Variants in ACSS3 observed in about 807,000 individuals in gnomAD.
The protein encoded by ACSS3 is acyl-CoA synthetase short chain family member 3.
ACSS3 carries 64 observed loss-of-function variants against 84.2 expected under a neutral mutation model. The ratio of observed to expected loss-of-function variants is 0.76; its 90% confidence interval spans 0.62 to 0.94. The LOEUF is 0.94. ACSS3 is among the 40% of genes least tolerant of loss of function. The pLI is 0.00. For synonymous variants in ACSS3, 317 were observed against 310.1 expected, an observed-to-expected ratio of 1.02 and a Z score of -0.23; for missense variants, 815 against 867.6, an observed-to-expected ratio of 0.94 and a Z score of 0.76.
chr12:81,187,276 A>G (rs2031321718), intron 8 of ACSS3, among the ~76,000 whole-genome samples: 1 of 151,850 alleles, frequency 6.6e-6, no homozygotes, highest in Non-Finnish European at 1.5e-5. Context: ...GGTATGTAGG[A>G]TGAACAAGTC....
At chr12:81,198,082 CT>C (rs1344188382) in intron 8 of ACSS3, among the ~76,000 whole-genome samples, 9 of 152,258 alleles carry the variant, frequency 5.9e-5, no homozygotes, top group South Asian at 4.1e-4. Context: ...GGGCACTGTT[CT>C]TTTTTTCTCA....
chr12:81,196,834 G>A lies in ACSS3; in HGVS notation c.1251-2507G>A, dbSNP rs528913814. Reference sequence around the variant, plus strand: ...ACCAGCTGTCATGCGAATAAGTAGAGTAAGTGAGGACTTATTACCATGGGG... The same window carrying A: ...ACCAGCTGTCATGCGAATAAGTAGAATAAGTGAGGACTTATTACCATGGGG... On this transcript the variant is annotated intron_variant, in intron 8 of 15. Coordinates refer to ENST00000548058, the MANE Select transcript of ACSS3 (RefSeq NM_024560.4). Among the ~76,000 whole-genome samples, 17 of 152,184 alleles carry A rather than the reference G, an allele frequency of 1.1e-4. No individual in the cohort carries two copies. In the South Asian group the frequency reaches 3.5e-3, roughly 32 times the overall value.
intron 7 of ACSS3, among the ~76,000 whole-genome samples, chr12:81,156,629 C>A (rs1346814157): frequency 5.3e-5 from 8 of 152,054 alleles, no homozygotes; most frequent in Non-Finnish European, 2.9e-5. Context: ...AAAGACGCTG[C>A]AGACATCAAA....
intron 5 of ACSS3, among the ~76,000 whole-genome samples, chr12:81,145,086 T>G (rs916807252): frequency 6.2e-5 from 9 of 145,452 alleles, no homozygotes; most frequent in Admixed American, 4.1e-4. Context: ...TTTTTTTTTT[T>G]TTTGTATTTT....
chr12:81,155,009 C>T (rs915066640), intron 7 of ACSS3, among the ~76,000 whole-genome samples: 6 of 152,080 alleles, frequency 3.9e-5, no homozygotes. Flanking sequence ...TTTGTGGTCC[C>T]GTTGCTTTCG....
Position 81,137,270 on chromosome 12 carries a change from C to A in ACSS3, c.646-1861C>A, listed in dbSNP as rs978502749. ...TATAGGGAAATTACAATATGTAAAA[C>A]AATAAGGATTTAAAAAACTTATGGT... On this transcript the variant is annotated intron_variant, in intron 3 of 15. Transcript: ENST00000548058. Among the ~76,000 whole-genome samples the A allele has an allele frequency of 2.0e-5, 3 of 147,284 alleles. No individual in the cohort carries two copies. The Admixed American group carries it at 2.0e-4, about 10-fold the overall frequency.
At chr12:81,182,819 A>G (rs2031024586) in intron 8 of ACSS3, among the ~76,000 whole-genome samples, 1 of 151,968 alleles carries the variant, frequency 6.6e-6, no homozygotes, top group Non-Finnish European at 1.5e-5. Flanking sequence ...CGTACTGTGA[A>G]CCTCCATTCT....
intron 11 of ACSS3, among the ~76,000 whole-genome samples, chr12:81,228,838 T>C (rs1393926430): frequency 6.6e-6 from 1 of 151,828 alleles, no homozygotes; most frequent in African/African-American, 2.4e-5. Flanking sequence ...GCAGATAGTG[T>C]GTGGATGCTG....
intron 13 of ACSS3, among the ~76,000 whole-genome samples, chr12:81,242,307 G>C (rs2033833129): frequency 6.6e-6 from 1 of 152,084 alleles, no homozygotes; most frequent in African/African-American, 2.4e-5. Context: ...GACCAAACCA[G>C]GAAGAAGTTG....
chr12:81,139,612 AT>A (rs1885978711), intron 4 of ACSS3, among the ~76,000 whole-genome samples: 2 of 124,648 alleles, frequency 1.6e-5, no homozygotes, highest in Non-Finnish European at 3.4e-5. Context: ...ATGAATATAT[AT>A]ATATAAAATA....
At chr12:81,126,441 G>A (rs1416655074) in intron 2 of ACSS3, among the ~76,000 whole-genome samples, 1 of 152,096 alleles carries the variant, frequency 6.6e-6, no homozygotes, top group African/African-American at 2.4e-5. Flanking sequence ...TTTAGACCTT[G>A]GACTTCTCCT....
chr12:81,085,644 G>T (rs538096663), intron 1 of ACSS3, among the ~76,000 whole-genome samples: 3 of 152,096 alleles, frequency 2.0e-5, no homozygotes, highest in African/African-American at 7.2e-5. Context: ...GCCAAATCTT[G>T]GCCAACCTGA....
At chr12:81,161,984 C>T (rs1364772000) in intron 7 of ACSS3, among the ~76,000 whole-genome samples, 6 of 152,170 alleles carry the variant, frequency 3.9e-5, no homozygotes, top group African/African-American at 1.4e-4. Context: ...ACAGCCCTGG[C>T]TTGGGGAGCC....
At chr12:81,159,219 T>A (rs890774825) in intron 7 of ACSS3, among the ~76,000 whole-genome samples, 1 of 152,092 alleles carries the variant, frequency 6.6e-6, no homozygotes, top group African/African-American at 2.4e-5. Context: ...ATTTAAGTAG[T>A]TTATTTTCTG....
At chr12:81,141,112 A>G (rs757022477) in intron 4 of ACSS3, among the ~76,000 whole-genome samples, 45 of 152,174 alleles carry the variant, frequency 3.0e-4, no homozygotes, top group Admixed American at 5.2e-4. Flanking sequence ...CTATAAACAC[A>G]TTGGATATGT....
At chr12:81,081,466 A>T (rs181887827) in intron 1 of ACSS3, among the ~76,000 whole-genome samples, 1 of 152,272 alleles carries the variant, frequency 6.6e-6, no homozygotes, top group Admixed American at 6.5e-5. Context: ...TATTAGAGAG[A>T]CTTCAGTGGA....
chr12:81,213,860 CT>C, intron 9 of ACSS3, among the ~76,000 whole-genome samples: 2 of 124,420 alleles, frequency 1.6e-5, no homozygotes, highest in African/African-American at 5.8e-5. Context: ...CCTCTCTTCT[CT>C]TCCTTTCTTT....
At chr12:81,247,089 G>A (rs1593240645) in intron 13 of ACSS3, among the ~76,000 whole-genome samples, 1 of 151,762 alleles carries the variant, frequency 6.6e-6, no homozygotes, top group Non-Finnish European at 1.5e-5. Flanking sequence ...TCACCTTTGT[G>A]TGCTATTATA....
chr12:81,163,009 G>A (rs1225789933), intron 7 of ACSS3, among the ~76,000 whole-genome samples: 1 of 152,038 alleles, frequency 6.6e-6, no homozygotes, highest in Non-Finnish European at 1.5e-5. Context: ...AGAACACAGG[G>A]ATGGCTGGGT....
Sources: gnomAD v4.1 joint callset for allele counts (sites outside exome capture counted in the v4.1 genomes callset) on GRCh38, gnomAD v4.1.1 for gene constraint, MANE v1.5 for transcripts, NCBI Gene and HGNC (gene_info 2026-07-23, HGNC 2026-07-21) for gene names.